CD247: variants seen among roughly 807,000 people sequenced by gnomAD.
The protein encoded by CD247 is T-cell surface glycoprotein CD3 zeta chain.
CD247 carries 13 observed loss-of-function variants against 30.0 expected under a neutral mutation model. That is an observed-to-expected ratio of 0.43 (90% confidence interval 0.28 to 0.69). The LOEUF is 0.69. Ranked by LOEUF, CD247 falls within the 30% of genes least tolerant of loss-of-function variation. The pLI is 0.16. For missense variants in CD247, 193 were observed against 212.6 expected, an observed-to-expected ratio of 0.91 and a Z score of 0.57; for synonymous variants, 72 against 80.0, an observed-to-expected ratio of 0.90 and a Z score of 0.53.
chr1:167,461,263 C>G (rs1193753309), intron 1 of CD247, among the ~76,000 whole-genome samples: 1 of 152,248 alleles, frequency 6.6e-6, no homozygotes, highest in Non-Finnish European at 1.5e-5. Flanking sequence ...GATTTGGGTC[C>G]TCAGGACCTC....
At chr1:167,479,414 C>G (rs1351517745) in intron 1 of CD247, among the ~76,000 whole-genome samples, 1 of 152,070 alleles carries the variant, frequency 6.6e-6, no homozygotes, top group African/African-American at 2.4e-5. Flanking sequence ...CTTGAAGGGC[C>G]CCATAGACCT....
intron 1 of CD247, among the ~76,000 whole-genome samples, chr1:167,471,246 A>T: frequency 6.6e-6 from 1 of 152,200 alleles, no homozygotes; most frequent in Admixed American, 6.5e-5. Flanking sequence ...TCTGGAAAGT[A>T]ACTCACCCTT....
chr1:167,495,104 C>T (rs1160444482), intron 1 of CD247, among the ~76,000 whole-genome samples: 1 of 152,208 alleles, frequency 6.6e-6, no homozygotes, highest in Non-Finnish European at 1.5e-5. Flanking sequence ...TTTCAAAGTC[C>T]AGCGTAAGAA....
Position 167,431,451 on chromosome 1 carries a change from GAGGGCCCAAGGCC to G in CD247, c.*217_*229del. 1.6e-6 allele frequency: 1 copy of G among 609,018 alleles called. No homozygotes were observed. Among genetic ancestry groups the G allele is most frequent in the South Asian group, 2.0e-5 (1 of 50,642 alleles). 37.7% of individuals were successfully genotyped at this position (609,018 alleles called of 1,614,324 possible). A position where few individuals can be genotyped will look rare whatever the true frequency, so the allele number is the denominator to read the frequency against. ...GTCTACCTGCACCACCGGCAAACCA[GAGGGCCCAAGGCC>G]AGGGCCGTAAGCCCTGGGAGTACAC... On this transcript the variant is annotated 3_prime_UTR_variant, in exon 8 of 8. Transcript: ENST00000362089.
intron 1 of CD247, among the ~76,000 whole-genome samples, chr1:167,472,934 C>T (rs539712065): frequency 1.3e-5 from 2 of 152,174 alleles, no homozygotes; most frequent in Non-Finnish European, 2.9e-5. Context: ...GATCAGTGAA[C>T]ATTTGCTAGT....
chr1:167,486,084 T>C (rs2102070414), intron 1 of CD247, among the ~76,000 whole-genome samples: 1 of 152,286 alleles, frequency 6.6e-6, no homozygotes, highest in African/African-American at 2.4e-5. Context: ...GCAGGTGGCC[T>C]CAGCTCTGCT....
At chr1:167,434,389 C>A (rs1651425585) in intron 5 of CD247, 1 of 439,370 alleles carries the variant, frequency 2.3e-6, no homozygotes. Context: ...CTGGGCAAAA[C>A]AAGGGCTCAC....
At chr1:167,436,997 A>G (rs921334554) in intron 4 of CD247, among the ~76,000 whole-genome samples, 4 of 152,330 alleles carry the variant, frequency 2.6e-5, no homozygotes, top group South Asian at 2.1e-4. Context: ...AAAGATTTGA[A>G]GTCTGCTTGT....
intron 1 of CD247, among the ~76,000 whole-genome samples, chr1:167,514,914 A>G (rs1655536670): frequency 6.6e-6 from 1 of 152,196 alleles, no homozygotes; most frequent in Non-Finnish European, 1.5e-5. Context: ...CTGGAAAAGT[A>G]TATATCCAAC....
At chr1:167,434,841 G>A (rs3108156) in intron 5 of CD247, 402,392 of 458,590 alleles carry the variant, frequency 0.88, 176,942 homozygotes, top group South Asian at 0.91. Flanking sequence ...GACATTACTC[G>A]ATCCAAGAAG....
At chr1:167,500,559 T>C (rs1026541336) in intron 1 of CD247, among the ~76,000 whole-genome samples, 1 of 152,208 alleles carries the variant, frequency 6.6e-6, no homozygotes, top group Non-Finnish European at 1.5e-5. Context: ...ACATCAATTC[T>C]AACACACATG....
chr1:167,469,617 C>T (rs1199627142), intron 1 of CD247, among the ~76,000 whole-genome samples: 1 of 152,116 alleles, frequency 6.6e-6, no homozygotes, highest in Non-Finnish European at 1.5e-5. Flanking sequence ...CAGATCTCCC[C>T]TCCTCACCCC....
intron 1 of CD247, among the ~76,000 whole-genome samples, chr1:167,471,398 T>C (rs1175929569): frequency 2.0e-5 from 3 of 152,198 alleles, no homozygotes; most frequent in Admixed American, 1.3e-4. Flanking sequence ...CTCTAATTCA[T>C]TGTGTTCTCA....
At chr1:167,443,405 C>T (rs72693673) in intron 1 of CD247, among the ~76,000 whole-genome samples, 6 of 152,310 alleles carry the variant, frequency 3.9e-5, no homozygotes, top group Non-Finnish European at 8.8e-5. Context: ...TCCTCACTGA[C>T]CTAGGGACGA....
chr1:167,479,875 T>C (rs1254790645), intron 1 of CD247, among the ~76,000 whole-genome samples: 1 of 152,224 alleles, frequency 6.6e-6, no homozygotes, highest in East Asian at 1.9e-4. Context: ...TTAGCACAAC[T>C]GCATTCTTTA....
At chr1:167,434,156 T>C in intron 5 of CD247, 80 bp from the exon 6 acceptor site, 1 of 1,352,706 alleles carries the variant, frequency 7.4e-7, no homozygotes, top group Non-Finnish European at 1.1e-6. Context: ...GGAAGCTTCT[T>C]GATCCCCAAG....
intron 1 of CD247, among the ~76,000 whole-genome samples, chr1:167,515,727 G>A (rs990738037): frequency 4.6e-5 from 7 of 152,168 alleles, no homozygotes; most frequent in Non-Finnish European, 8.8e-5. Context: ...ATCAGAAGAG[G>A]GATGAGTTGG....
intron 1 of CD247, among the ~76,000 whole-genome samples, chr1:167,445,651 G>T (rs1480855188): frequency 6.6e-6 from 1 of 152,110 alleles, no homozygotes; most frequent in Admixed American, 6.5e-5. Flanking sequence ...TATCCTTACA[G>T]AATCTGGTTT....
intron 1 of CD247, among the ~76,000 whole-genome samples, chr1:167,513,843 A>C (rs1655491852): frequency 1.3e-5 from 2 of 152,270 alleles, no homozygotes. Flanking sequence ...CATATGGTCC[A>C]ACCAGAAAAC....
Sources: gnomAD v4.1 joint callset for allele counts (sites outside exome capture counted in the v4.1 genomes callset) on GRCh38, gnomAD v4.1.1 for gene constraint, MANE v1.5 for transcripts, NCBI Gene and HGNC (gene_info 2026-07-23, HGNC 2026-07-21) for gene names.